The following RILPL1 variants were observed in gnomAD, a reference collection of about 807,000 sequenced individuals.
RILPL1 encodes the protein RILP-like protein 1.
Under a neutral mutation model 50.3 loss-of-function variants are expected in RILPL1, and 33 were observed. The observed-to-expected ratio is 0.66, with a 90% CI of 0.50 to 0.88. The LOEUF (loss-of-function observed/expected upper bound fraction) is 0.88, where lower values mean the gene tolerates loss of function less well. Ranked by LOEUF, RILPL1 falls within the 40% of genes least tolerant of loss-of-function variation. The pLI is 0.00. For missense variants in RILPL1, 418 were observed against 542.5 expected (o/e 0.77, Z 2.28); for synonymous variants, 205 against 228.6 (o/e 0.90, Z 0.93).
chr12:123,475,811 CA>C (rs1881552185), intron 6 of RILPL1: 1 of 1,032,058 alleles, frequency 9.7e-7, no homozygotes, highest in African/African-American at 1.6e-5. Flanking sequence ...GAAAAAGAAA[CA>C]AACTCCACAG....
intron 6 of RILPL1, among the ~76,000 whole-genome samples, chr12:123,480,876 G>A (rs1219265972): frequency 6.6e-6 from 1 of 152,132 alleles, no homozygotes; most frequent in African/African-American, 2.4e-5. Context: ...CAGGCCACTT[G>A]AACTGGATGG....
intron 6 of RILPL1, chr12:123,475,679 C>T (rs1374100844): frequency 6.3e-6 from 10 of 1,590,682 alleles, no homozygotes; most frequent in Non-Finnish European, 8.5e-6. Context: ...AACAAGTCGT[C>T]GGACAGGCTG....
chr12:123,533,105 C>A lies in RILPL1; in HGVS notation c.309+69G>T. ...ACACACGTGCGCACCCACAGCTGCC[C>A]AATGCGGAAGAGCCCTTGGGTCCCC... On this transcript the variant is annotated intron_variant, in intron 1 of 6. Transcript: ENST00000376874. The surrounding 1 kb of genome is among the most constrained non-coding windows in gnomAD (Gnocchi z 6.2). 7.1e-7 allele frequency: 1 copy of A among 1,418,384 alleles called. No homozygotes were observed. The highest frequency in any genetic ancestry group is 9.4e-7 in the Non-Finnish European group (1 of 1,062,780). 87.9% of individuals were successfully genotyped at this position (1,418,384 alleles called of 1,614,324 possible).
chr12:123,505,507 T>A (rs1883688751), intron 2 of RILPL1, among the ~76,000 whole-genome samples: 1 of 152,016 alleles, frequency 6.6e-6, no homozygotes, highest in Admixed American at 6.6e-5. Context: ...AAATTTTTTT[T>A]AAGTCTCACT....
At chr12:123,497,858 T>C (rs1883127014) in intron 4 of RILPL1, among the ~76,000 whole-genome samples, 1 of 152,168 alleles carries the variant, frequency 6.6e-6, no homozygotes, top group African/African-American at 2.4e-5. Flanking sequence ...CTGGCCTTCA[T>C]GTAAAAGTTT....
chr12:123,481,716 C>A (rs991399172), intron 6 of RILPL1, among the ~76,000 whole-genome samples: 1 of 151,668 alleles, frequency 6.6e-6, no homozygotes, highest in Non-Finnish European at 1.5e-5. Context: ...GCCACCACGC[C>A]CGGCTGATTT....
At chr12:123,503,855 G>T (rs1021485989) in intron 2 of RILPL1, among the ~76,000 whole-genome samples, 16 of 151,970 alleles carry the variant, frequency 1.1e-4, no homozygotes, top group Admixed American at 3.3e-4. Context: ...CAAAAAATTA[G>T]CCAGGCATGG....
chr12:123,477,299 C>G (rs1287023846), intron 6 of RILPL1, among the ~76,000 whole-genome samples: 1 of 144,900 alleles, frequency 6.9e-6, no homozygotes, highest in Non-Finnish European at 1.5e-5. Context: ...CACAGAGTAG[C>G]TAGGAGTTAG....
intron 2 of RILPL1, among the ~76,000 whole-genome samples, chr12:123,503,017 A>G (rs1296333495): frequency 6.6e-6 from 1 of 151,050 alleles, no homozygotes; most frequent in Non-Finnish European, 1.5e-5. Flanking sequence ...CCTCCCAAGT[A>G]GCTGGGACTA....
In RILPL1 at chr12:123,470,987, CCT is replaced by C. The variant is rs1372525348; in HGVS notation, c.*1549_*1550del. ...ACTGCTCTAACGCAGCAATAATTAC[CCT>C]GTCTGATCATTTCTTTTTTTCGGCA... is the stretch of plus-strand genomic sequence containing the variant. On this transcript the variant is annotated 3_prime_UTR_variant, in exon 7 of 7. Coordinates refer to ENST00000376874, the MANE Select transcript of RILPL1 (RefSeq NM_178314.5). 1 of 151,900 alleles carries C rather than the reference CCT, an allele frequency of 6.6e-6. No individual in the cohort carries two copies. Among genetic ancestry groups the C allele is most frequent in the African/African-American group, 2.4e-5 (1 of 41,316 alleles). The allele number at this position is 151,900 out of a possible 1,614,324, so 9.4% of individuals were successfully genotyped here.
At chr12:123,528,579 C>T (rs1885342736) in intron 1 of RILPL1, among the ~76,000 whole-genome samples, 1 of 151,778 alleles carries the variant, frequency 6.6e-6, no homozygotes, top group Admixed American at 6.6e-5. Context: ...AGGCGCCCGC[C>T]ACCACGCCCG....
intron 2 of RILPL1, among the ~76,000 whole-genome samples, chr12:123,516,649 C>A (rs1432390928): frequency 6.6e-6 from 1 of 152,170 alleles, no homozygotes; most frequent in East Asian, 1.9e-4. Flanking sequence ...GACCCAGAAC[C>A]TTGGAATGCG....
chr12:123,512,564 CTGTA>C (rs1307549351), intron 2 of RILPL1, among the ~76,000 whole-genome samples: 2 of 68,520 alleles, frequency 2.9e-5, no homozygotes, highest in Admixed American at 1.8e-4. Context: ...TGTGTGAGGT[CTGTA>C]TGTGTGTGAG....
At position 123,517,847 on chromosome 12, in the gene RILPL1, G is replaced by C. The variant is rs371900226; in HGVS notation, c.460+5648C>G. Among the ~76,000 whole-genome samples, 58 of 152,258 alleles carry C rather than the reference G, an allele frequency of 3.8e-4. 2 individuals are homozygous for C. Among genetic ancestry groups the C allele is most frequent in the East Asian group, 3.7e-3 (19 of 5,182 alleles). ...ACACACATTGCCATTGTCAGCTGGT[G>C]GATAAACAAATGTAGGGCCTGCACA... On this transcript the variant is annotated intron_variant, in intron 2 of 6. Coordinates refer to ENST00000376874, the MANE Select transcript of RILPL1 (RefSeq NM_178314.5).
intron 4 of RILPL1, among the ~76,000 whole-genome samples, chr12:123,487,753 C>A (rs1002745161): frequency 4.6e-5 from 7 of 152,198 alleles, no homozygotes; most frequent in African/African-American, 1.4e-4. Flanking sequence ...TTAGTGTGGA[C>A]ACTTGTTTTC....
At chr12:123,527,753 A>C (rs1885311219) in intron 1 of RILPL1, among the ~76,000 whole-genome samples, 1 of 152,152 alleles carries the variant, frequency 6.6e-6, no homozygotes, top group Non-Finnish European at 1.5e-5. Flanking sequence ...TCTTCGTAAG[A>C]GGAAGGCAGG....
At position 123,522,885 on chromosome 12, in the gene RILPL1, G is replaced by A. The variant is rs573657213; in HGVS notation, c.460+610C>T. Among the ~76,000 whole-genome samples the A allele has an allele frequency of 5.9e-5, 9 of 152,224 alleles. No homozygotes were observed. Among genetic ancestry groups the A allele is most frequent in the South Asian group, 2.1e-4 (1 of 4,822 alleles). ...TGGGATCACAGGTGTGAGCCACTGC[G>A]CGCGGCCTACACCGGCCTTCTTGGT... On this transcript the variant is annotated intron_variant, in intron 2 of 6. Transcript: ENST00000376874. This position sits in a 1 kb window ranked among gnomAD's most constrained non-coding sequence, Gnocchi z 4.0.
chr12:123,489,665 C>T lies in RILPL1; in HGVS notation c.802-3860G>A, dbSNP rs918256879. 4.1e-5 allele frequency among the ~76,000 whole-genome samples: 6 copies of T among 147,770 alleles called. No homozygotes were observed. Among genetic ancestry groups the T allele is most frequent in the African/African-American group, 1.5e-4 (6 of 40,554 alleles). ...GGCGACAGAGCGACAGAGTAAGACT[C>T]CATCTTAAAAAAAAAAAAAATAGTG... On this transcript the variant is annotated intron_variant, in intron 4 of 6. Coordinates refer to ENST00000376874, the MANE Select transcript of RILPL1 (RefSeq NM_178314.5). The surrounding 1 kb of genome is among the most constrained non-coding windows in gnomAD (Gnocchi z 4.0).
rs1013440724 is a variant in RILPL1, at chr12:123,508,898, A to G, written c.461-9362T>C. Among the ~76,000 whole-genome samples, 15 of 152,026 alleles carry G rather than the reference A, an allele frequency of 9.9e-5. 1 individual carries two copies. In the South Asian group the frequency reaches 1.7e-3, roughly 17 times the overall value. ...AAAAAAAGTTGCTAAAAAAAACAAT[A>G]GCCAAGGCTGGGCGCGGTGACTCAC... On this transcript the variant is annotated intron_variant, in intron 2 of 6. Coordinates refer to ENST00000376874, the MANE Select transcript of RILPL1 (RefSeq NM_178314.5).
Sources: allele counts gnomAD v4.1 joint callset (sites outside exome capture counted in the v4.1 genomes callset), GRCh38; gene constraint gnomAD v4.1.1; non-coding constraint Gnocchi (gnomAD v3.1); transcripts MANE v1.5; gene names NCBI Gene and HGNC (gene_info 2026-07-23, HGNC 2026-07-21).